Variants in NHSL1 observed in about 807,000 individuals in gnomAD.
The protein encoded by NHSL1 is NHS-like protein 1.
NHSL1 carries 48 observed loss-of-function variants against 95.0 expected under a neutral mutation model. That is an observed-to-expected ratio of 0.51 (90% confidence interval 0.40 to 0.64). NHSL1 has a LOEUF of 0.64. Ranked by LOEUF, NHSL1 falls within the 30% of genes least tolerant of loss-of-function variation. The pLI is 0.00. For missense variants in NHSL1, 1,971 were observed against 2,077.7 expected (o/e 0.95, Z 1.00); for synonymous variants, 783 against 833.9 (o/e 0.94, Z 1.05).
intron 1 of NHSL1, among the ~76,000 whole-genome samples, chr6:138,587,049 T>A (rs1784145984): frequency 6.6e-6 from 1 of 152,012 alleles, no homozygotes; most frequent in Admixed American, 6.6e-5. Flanking sequence ...CTCCGCTCAC[T>A]GCAACCTCCG....
chr6:138,552,152 G>A (rs538310438), intron 1 of NHSL1, among the ~76,000 whole-genome samples: 3 of 152,296 alleles, frequency 2.0e-5, no homozygotes, highest in Non-Finnish European at 4.4e-5. Context: ...CGGGCATGGT[G>A]GCTCATGCCT....
chr6:138,537,073 T>C (rs1054049527), intron 1 of NHSL1, among the ~76,000 whole-genome samples: 1 of 152,252 alleles, frequency 6.6e-6, no homozygotes, highest in African/African-American at 2.4e-5. Context: ...GATTTCTCTC[T>C]TCCTGATGTG....
chr6:138,583,589 C>T (rs907482694), intron 1 of NHSL1, among the ~76,000 whole-genome samples: 2 of 152,170 alleles, frequency 1.3e-5, no homozygotes, highest in Non-Finnish European at 2.9e-5. Context: ...AGAGAAAGAA[C>T]TGAGGCTTCT....
intron 1 of NHSL1, among the ~76,000 whole-genome samples, chr6:138,569,625 A>C (rs1783749065): frequency 6.6e-6 from 1 of 152,142 alleles, no homozygotes; most frequent in Non-Finnish European, 1.5e-5. Context: ...TTTCTTGAAG[A>C]CTTTTCCTCT....
chr6:138,433,682 T>C lies in NHSL1; in HGVS notation c.665-2A>G. The C allele has an allele frequency of 1.3e-6, 2 of 1,522,000 alleles. No homozygotes were observed. The highest frequency in any genetic ancestry group is 2.5e-5 in the South Asian group (2 of 81,304). 94.3% of individuals were successfully genotyped at this position (1,522,000 alleles called of 1,614,324 possible). A position where few individuals can be genotyped will look rare whatever the true frequency, so the allele number is the denominator to read the frequency against. On this transcript the variant is annotated splice_acceptor_variant, in intron 5 of 7. Coordinates refer to ENST00000343505, the MANE Select transcript of NHSL1 (RefSeq NM_001144060.2). LOFTEE classifies it high-confidence loss of function. Reference sequence around the variant, plus strand: ...CATCATCTTGGCCAGTGCCTGATGCTGGAGATAAAGCAGAAAGAGGCTTGT... The same window carrying C: ...CATCATCTTGGCCAGTGCCTGATGCCGGAGATAAAGCAGAAAGAGGCTTGT...
At chr6:138,497,463 C>T (rs1052370851) in intron 1 of NHSL1, among the ~76,000 whole-genome samples, 8 of 152,074 alleles carry the variant, frequency 5.3e-5, no homozygotes, top group South Asian at 2.1e-4. Context: ...TCACACTGGG[C>T]GTATCCATGT....
chr6:138,506,356 TATTC>T (rs1780964220), intron 1 of NHSL1, among the ~76,000 whole-genome samples: 1 of 152,190 alleles, frequency 6.6e-6, no homozygotes, highest in Non-Finnish European at 1.5e-5. Context: ...TTTGAATTAT[TATTC>T]AAACAATTAT....
intron 1 of NHSL1, among the ~76,000 whole-genome samples, chr6:138,649,853 A>T (rs557980613): frequency 6.6e-6 from 1 of 152,228 alleles, no homozygotes; most frequent in South Asian, 2.1e-4. Context: ...GGCTGACTGG[A>T]GGGGTAGATA....
intron 1 of NHSL1, among the ~76,000 whole-genome samples, chr6:138,620,045 T>G (rs1784634164): frequency 6.6e-6 from 1 of 151,192 alleles, no homozygotes; most frequent in African/African-American, 2.4e-5. Context: ...GTTTTTAAAC[T>G]GTATTAATTT....
chr6:138,541,615 C>T (rs926598348), intron 1 of NHSL1, among the ~76,000 whole-genome samples: 5 of 152,174 alleles, frequency 3.3e-5, no homozygotes, highest in South Asian at 2.1e-4. Flanking sequence ...ACAGACTGAG[C>T]TATCTAATGC....
intron 2 of NHSL1, among the ~76,000 whole-genome samples, chr6:138,477,811 T>G (rs1779167899): frequency 6.6e-6 from 1 of 152,084 alleles, no homozygotes; most frequent in Non-Finnish European, 1.5e-5. Flanking sequence ...ATTATTAGTT[T>G]TATATTCTTG....
rs145463331 is a variant in NHSL1, at chr6:138,489,711, G to T, written c.211+6508C>A. On this transcript the variant is annotated intron_variant, in intron 2 of 7. Transcript: ENST00000343505. ...CGGGAAGTCAAGGCTGCAGTGAGCCGTGATCACATTGCTGCACTCTAGCCT... is the reference window on the plus strand; with the variant it reads ...CGGGAAGTCAAGGCTGCAGTGAGCCTTGATCACATTGCTGCACTCTAGCCT... Among the ~76,000 whole-genome samples the T allele has an allele frequency of 4.0e-3, 576 of 145,254 alleles. 11 individuals carry two copies. The South Asian group carries it at 0.04, about 10-fold the overall frequency.
chr6:138,648,119 T>C (rs1292383981), intron 1 of NHSL1, among the ~76,000 whole-genome samples: 1 of 152,174 alleles, frequency 6.6e-6, no homozygotes, highest in Non-Finnish European at 1.5e-5. Flanking sequence ...CCTATTTTTA[T>C]AGCTGATTAG....
Position 138,431,506 on chromosome 6 carries a change from A to T in NHSL1, c.2839T>A (p.Ser947Thr). The change falls in exon 6 of 8, where the codon TCT becomes ACT. Residue 947 changes from serine (S) to threonine (T), a missense_variant. Ser to Thr is a moderately conservative substitution (Grantham distance 58, BLOSUM62 1). Around this residue, in one of 3 missense-constraint regions of NHSL1, gnomAD observed 1,602 missense variants for 1,654.5 expected, o/e 0.97. Coordinates refer to ENST00000343505, the MANE Select transcript of NHSL1 (RefSeq NM_001144060.2). This position sits in a 1 kb window ranked among gnomAD's most constrained non-coding sequence, Gnocchi z 4.0. ...GGAGGTGGGGGAGGAAGGAAAGGAGACCTGTCTGCAGGACAAGGGAATGGA... is the reference window on the plus strand; with the variant it reads ...GGAGGTGGGGGAGGAAGGAAAGGAGTCCTGTCTGCAGGACAAGGGAATGGA... ...SPPFPCPADRSPFLPPPPPVT... is the reference protein window; with the variant it reads ...SPPFPCPADRTPFLPPPPPVT... 6.5e-7 allele frequency: 1 copy of T among 1,550,082 alleles called. No homozygotes were observed. Among genetic ancestry groups the T allele is most frequent in the Non-Finnish European group, 8.7e-7 (1 of 1,146,436 alleles).
intron 1 of NHSL1, among the ~76,000 whole-genome samples, chr6:138,504,603 G>T (rs911649540): frequency 6.6e-6 from 1 of 152,202 alleles, no homozygotes; most frequent in African/African-American, 2.4e-5. Flanking sequence ...AAGATGGAGA[G>T]AGGCAGGGCA....
intron 5 of NHSL1, among the ~76,000 whole-genome samples, chr6:138,439,450 T>C (rs558067227): frequency 1.9e-4 from 29 of 152,360 alleles, no homozygotes; most frequent in Non-Finnish European, 3.8e-4. Context: ...CTTGGTAGTT[T>C]AAGACTTCCA....
rs1785682525 is a variant in NHSL1 at position 138,692,068 on chromosome 6, C to G, written c.96+408G>C. 2 of 456,548 alleles carry G rather than the reference C, an allele frequency of 4.4e-6. No individual in the cohort carries two copies. Among genetic ancestry groups the G allele is most frequent in the African/African-American group, 2.0e-5 (1 of 50,058 alleles). 28.3% of individuals were successfully genotyped at this position (456,548 alleles called of 1,614,324 possible). A position where few individuals can be genotyped will look rare whatever the true frequency, so the allele number is the denominator to read the frequency against. ...CCTGAAGTCTCCAAAACTGTAACTACTATATGCCCAAATTTATATTCTCCC... is the reference window on the plus strand; with the variant it reads ...CCTGAAGTCTCCAAAACTGTAACTAGTATATGCCCAAATTTATATTCTCCC... On this transcript the variant is annotated intron_variant, in intron 1 of 3. Transcript: ENST00000491526. This position sits in a 1 kb window ranked among gnomAD's most constrained non-coding sequence, Gnocchi z 4.0.
chr6:138,546,196 G>T (rs1463757244), upstream of NHSL1, among the ~76,000 whole-genome samples: 1 of 151,776 alleles, frequency 6.6e-6, no homozygotes, highest in Non-Finnish European at 1.5e-5. Context: ...GCACTCTGTT[G>T]TCTGAGTCTA....
intron 1 of NHSL1, among the ~76,000 whole-genome samples, chr6:138,557,038 G>A (rs1311195886): frequency 6.6e-6 from 1 of 152,166 alleles, no homozygotes; most frequent in Non-Finnish European, 1.5e-5. Flanking sequence ...GTGAAACAAA[G>A]CAGTAGATGA....
Sources: gnomAD v4.1 joint callset for allele counts (sites outside exome capture counted in the v4.1 genomes callset) on GRCh38, gnomAD v4.1.1 for gene constraint, gnomAD v4.1.1 regional missense constraint, Gnocchi (gnomAD v3.1) non-coding constraint, MANE v1.5 for transcripts, NCBI Gene and HGNC (gene_info 2026-07-23, HGNC 2026-07-21) for gene names.